The following GNL3L variants were observed in gnomAD, a reference collection of about 807,000 sequenced individuals.
GNL3L encodes guanine nucleotide-binding protein-like 3-like protein.
Under a neutral mutation model 42.9 loss-of-function variants are expected in GNL3L, and 4 were observed. That is an observed-to-expected ratio of 0.09 (90% confidence interval 0.05 to 0.21). GNL3L has a LOEUF of 0.21. Ranked by LOEUF, GNL3L falls within the 10% of genes least tolerant of loss-of-function variation. GNL3L has a pLI of 1.00. For missense variants in GNL3L, 412 were observed against 481.7 expected (o/e 0.86, Z 1.36); for synonymous variants, 159 against 176.3 (o/e 0.90, Z 0.78).
At chrX:54,575,025 TA>T (rs1297670967) in intron 16 of GNL3L, among the ~76,000 whole-genome samples, 4 of 112,438 alleles carry the variant, frequency 3.6e-5, no homozygotes, top group African/African-American at 1.3e-4. Context: ...TTAGTTTACC[TA>T]AAGTTTTGTC....
At chrX:54,624,096 G>GT (rs1426047188), downstream of GNL3L, among the ~76,000 whole-genome samples, 2 of 110,928 alleles carry the variant, frequency 1.8e-5, no homozygotes, top group Non-Finnish European at 3.8e-5. Context: ...AATTTTTGTA[G>GT]TTTTTGGAGA....
At chrX:54,640,624 T>G in the GNL3L span, among the ~76,000 whole-genome samples, 1 of 112,362 alleles carries the variant, frequency 8.9e-6, no homozygotes, top group African/African-American at 3.2e-5. Flanking sequence ...AATTTTGTGC[T>G]TAGAGCTTTT....
chrX:54,644,406 A>G, the GNL3L span, among the ~76,000 whole-genome samples: 1 of 112,385 alleles, frequency 8.9e-6, no homozygotes, highest in Non-Finnish European at 1.9e-5. Flanking sequence ...TTTCAGTTTT[A>G]CAGTTAAATC....
chrX:54,548,451 G>A, intron 9 of GNL3L, 78 bp downstream of exon 9: 1 of 838,940 alleles, frequency 1.2e-6, no homozygotes, highest in Non-Finnish European at 1.7e-6. Flanking sequence ...GATCCTGGGA[G>A]CTTCATTGTC....
At chrX:54,545,310 C>T (rs189487867) in intron 8 of GNL3L, among the ~76,000 whole-genome samples, 274 of 111,467 alleles carry the variant, frequency 2.5e-3, no homozygotes, top group African/African-American at 8.4e-3. Flanking sequence ...TCTCTGCTTC[C>T]TGGGTTCAAG....
At chrX:54,634,669 A>G in the GNL3L span, among the ~76,000 whole-genome samples, 4 of 91,200 alleles carry the variant, frequency 4.4e-5, no homozygotes, top group Non-Finnish European at 6.4e-5. Context: ...TTGTATTTTT[A>G]GTAGACACGG....
intron 8 of GNL3L, among the ~76,000 whole-genome samples, chrX:54,547,572 G>A (rs1397965935): frequency 1.8e-5 from 2 of 110,884 alleles, no homozygotes; most frequent in Non-Finnish European, 3.8e-5. Context: ...GGGTGTGGTG[G>A]TGCATGCCTG....
At chrX:54,573,155 A>C (rs1295906391) in intron 16 of GNL3L, among the ~76,000 whole-genome samples, 52 of 112,280 alleles carry the variant, frequency 4.6e-4, no homozygotes, top group African/African-American at 1.7e-3. Flanking sequence ...GCGGCCGGGC[A>C]GAGGCTGCAA....
Position 54,551,936 on chromosome X carries a change from G to A in GNL3L, c.1143G>A (p.Gln381=). 1 of 1,212,037 alleles carries A rather than the reference G, an allele frequency of 8.3e-7. No homozygotes were observed. The change falls in exon 12 of 16, where the codon CAG becomes CAA. Residue 381 remains glutamine (Q), a synonymous_variant. Transcript: ENST00000360845. ...GKKKKGGLYS[Q]EQAAKAVLAD... The stretch of plus-strand genomic sequence containing the variant: ...AGAAGAAGGGAGGCTTATATAGTCA[G>A]GAACAGGCGGCCAAAGCTGTCCTAG...
In GNL3L at chrX:54,560,603, T is replaced by C. The variant is rs755206883; in HGVS notation, c.*1T>C. The C allele has an allele frequency of 9.4e-7, 1 of 1,058,902 alleles. No individual in the cohort carries two copies. Among genetic ancestry groups the C allele is most frequent in the Non-Finnish European group, 1.3e-6 (1 of 756,582 alleles). The allele number at this position is 1,058,902 out of a possible 1,213,427, so 87.3% of individuals were successfully genotyped here. A position where few individuals can be genotyped will look rare whatever the true frequency, so the allele number is the denominator to read the frequency against. On this transcript the variant is annotated 3_prime_UTR_variant, in exon 16 of 16. Transcript: ENST00000360845. ...TGCTGATGATGGTGTTGGTGACTAA[T>C]CGACTGATCTCACTTCCCTTCCGCT...
At chrX:54,633,619 G>A in the GNL3L span, among the ~76,000 whole-genome samples, 1 of 110,641 alleles carries the variant, frequency 9.0e-6, no homozygotes, top group African/African-American at 3.3e-5. Context: ...TCAGGCCAAT[G>A]GAGTTATGTT....
At chrX:54,583,200 TA>T (rs1205277646) in intron 16 of GNL3L, among the ~76,000 whole-genome samples, 6 of 111,151 alleles carry the variant, frequency 5.4e-5, no homozygotes, top group African/African-American at 1.3e-4. Flanking sequence ...TTTATTTATT[TA>T]TTTTTTTTGA....
chrX:54,628,308 A>G, the GNL3L span, among the ~76,000 whole-genome samples: 17 of 105,579 alleles, frequency 1.6e-4, no homozygotes, highest in African/African-American at 5.9e-4. Flanking sequence ...TATTTTTTCA[A>G]TTGTGAATTG....
At chrX:54,556,667 A>C (rs1925105234) in intron 14 of GNL3L, among the ~76,000 whole-genome samples, 1 of 110,653 alleles carries the variant, frequency 9.0e-6, no homozygotes, top group Admixed American at 9.6e-5. Flanking sequence ...GGTGTGACCC[A>C]CTGCGCCCAG....
downstream of GNL3L, among the ~76,000 whole-genome samples, chrX:54,623,326 A>G (rs991529512): frequency 2.7e-5 from 3 of 111,848 alleles, no homozygotes; most frequent in Non-Finnish European, 5.6e-5. Context: ...GTGCAGTGGC[A>G]TGATCTCAGC....
At chrX:54,610,638 G>A (rs1926151630) in intron 16 of GNL3L, among the ~76,000 whole-genome samples, 1 of 111,395 alleles carries the variant, frequency 9.0e-6, no homozygotes, top group Admixed American at 9.5e-5. Context: ...CTGTTCGTGT[G>A]GTGTATCACA....
chrX:54,577,149 A>G (rs1287101464), intron 16 of GNL3L, among the ~76,000 whole-genome samples: 1 of 112,378 alleles, frequency 8.9e-6, no homozygotes, highest in Admixed American at 9.5e-5. Flanking sequence ...AAGTGGAATC[A>G]TATAATATTT....
rs1280023794 is a variant in GNL3L at position 54,561,759 on chromosome X, T to G, written c.*1157T>G. Among the ~76,000 whole-genome samples, 1 of 111,327 alleles carries G rather than the reference T, an allele frequency of 9.0e-6. No homozygotes were observed. The highest frequency in any genetic ancestry group is 3.3e-5 in the African/African-American group (1 of 30,574). ...TCACAGACTGTATCCTCGAGAGAGC[T>G]GCTATATATGGGAGTGTACCAGCCA... On this transcript the variant is annotated 3_prime_UTR_variant, in exon 16 of 16. Transcript: ENST00000360845.
At chrX:54,622,755 G>GT (rs1227296664), downstream of GNL3L, among the ~76,000 whole-genome samples, 2 of 110,990 alleles carry the variant, frequency 1.8e-5, no homozygotes, top group Non-Finnish European at 3.8e-5. Flanking sequence ...TTTTGTTGCT[G>GT]TTTCATATGT....
Sources: allele counts gnomAD v4.1 joint callset (sites outside exome capture counted in the v4.1 genomes callset), GRCh38; gene constraint gnomAD v4.1.1; transcripts MANE v1.5; gene names NCBI Gene and HGNC (gene_info 2026-07-23, HGNC 2026-07-21).